The following LRRC4C variants were observed in gnomAD, a reference collection of about 807,000 sequenced individuals.
The protein encoded by LRRC4C is leucine-rich repeat-containing protein 4C.
LRRC4C carries 5 observed loss-of-function variants against 33.6 expected under a neutral mutation model. The observed-to-expected ratio is 0.15, with a 90% confidence interval of 0.08 to 0.31. The LOEUF (loss-of-function observed/expected upper bound fraction) is 0.31, where lower values mean the gene tolerates loss of function less well. Ranked by LOEUF, LRRC4C falls within the 10% of genes least tolerant of loss-of-function variation. The pLI is 1.00. For synonymous variants in LRRC4C, 329 were observed against 302.0 expected (o/e 1.09, Z -0.93); for missense variants, 560 against 796.7 (o/e 0.70, Z 3.58).
chr11:40,511,255 A>C (rs567954111), intron 3 of LRRC4C, among the ~76,000 whole-genome samples: 1 of 152,334 alleles, frequency 6.6e-6, no homozygotes, highest in Non-Finnish European at 1.5e-5. Context: ...GAAACAGTAC[A>C]AAATGAAAAG....
chr11:41,123,494 G>A (rs4756635), intron 1 of LRRC4C, among the ~76,000 whole-genome samples: 58,378 of 150,078 alleles, frequency 0.39, 12,949 homozygotes, highest in Middle Eastern at 0.53. Context: ...GGATGGTCTC[G>A]ATCTCCTGAC....
chr11:40,180,610 A>T (rs1027434253), intron 5 of LRRC4C, among the ~76,000 whole-genome samples: 11 of 152,114 alleles, frequency 7.2e-5, no homozygotes, highest in African/African-American at 2.7e-4. Context: ...ATTTTATCAC[A>T]TCTCTCTGTT....
intron 4 of LRRC4C, among the ~76,000 whole-genome samples, chr11:40,300,105 A>T (rs968145607): frequency 2.6e-5 from 4 of 152,082 alleles, no homozygotes; most frequent in Non-Finnish European, 5.9e-5. Flanking sequence ...CAGGAGTAAG[A>T]GAGAGAGAAA....
intron 4 of LRRC4C, among the ~76,000 whole-genome samples, chr11:40,244,698 T>C (rs1384227403): frequency 6.6e-6 from 1 of 152,148 alleles, no homozygotes; most frequent in East Asian, 1.9e-4. Flanking sequence ...ACCTGTGTTT[T>C]TTGAGTTGAT....
At chr11:41,210,340 T>C (rs1946771792) in intron 1 of LRRC4C, among the ~76,000 whole-genome samples, 1 of 152,170 alleles carries the variant, frequency 6.6e-6, no homozygotes, top group Non-Finnish European at 1.5e-5. Context: ...ACTGTTCTCC[T>C]GGTCTTGAAT....
chr11:40,784,980 C>T (rs1950354061), intron 2 of LRRC4C, among the ~76,000 whole-genome samples: 2 of 152,064 alleles, frequency 1.3e-5, no homozygotes, highest in African/African-American at 4.8e-5. Flanking sequence ...TTACCGTCAG[C>T]CGACAGAAAG....
chr11:41,337,950 A>C (rs778800414), intron 1 of LRRC4C, among the ~76,000 whole-genome samples: 6 of 152,200 alleles, frequency 3.9e-5, no homozygotes, highest in Non-Finnish European at 7.3e-5. Flanking sequence ...AACATGACTG[A>C]TCATTAGAGA....
intron 1 of LRRC4C, among the ~76,000 whole-genome samples, chr11:41,197,314 G>A (rs1274544236): frequency 1.3e-5 from 2 of 152,046 alleles, no homozygotes; most frequent in African/African-American, 2.4e-5. Flanking sequence ...AGAGATGCAT[G>A]TGATGGTGGA....
chr11:41,356,191 C>T (rs564023988), intron 1 of LRRC4C, among the ~76,000 whole-genome samples: 10 of 152,218 alleles, frequency 6.6e-5, no homozygotes, highest in African/African-American at 1.7e-4. Flanking sequence ...GCTAGACCCA[C>T]CCATTCCCAA....
chr11:40,762,205 T>C (rs543061022), intron 2 of LRRC4C, among the ~76,000 whole-genome samples: 58 of 152,270 alleles, frequency 3.8e-4, no homozygotes, highest in African/African-American at 1.3e-3. Flanking sequence ...TGTGGAGAAA[T>C]GTAACACTCA....
At position 41,221,523 on chromosome 11, in the gene LRRC4C, C is replaced by T. The variant is rs542195399; in HGVS notation, c.-496+237908G>A. Among the ~76,000 whole-genome samples, 3 of 152,126 alleles carry T rather than the reference C, an allele frequency of 2.0e-5. No individual in the cohort carries two copies. The East Asian group carries it at 5.8e-4, about 29-fold the overall frequency. On this transcript the variant is annotated intron_variant, in intron 1 of 6. Transcript: ENST00000528697. Reference sequence around the variant, plus strand: ...CTCAAAGACATAAAGACATAAATACCATTTGACCCAGCAATCCCATTACTA... The same window carrying T: ...CTCAAAGACATAAAGACATAAATACTATTTGACCCAGCAATCCCATTACTA...
intron 3 of LRRC4C, among the ~76,000 whole-genome samples, chr11:40,489,910 A>C (rs559084166): frequency 6.6e-6 from 1 of 152,246 alleles, no homozygotes; most frequent in South Asian, 2.1e-4. Context: ...TTGAGCACTC[A>C]CTGTGTGTCT....
intron 2 of LRRC4C, among the ~76,000 whole-genome samples, chr11:40,804,625 A>C (rs1475460597): frequency 6.6e-6 from 1 of 152,146 alleles, no homozygotes; most frequent in Non-Finnish European, 1.5e-5. Flanking sequence ...TATTATTCTT[A>C]TTACCCAGTT....
At chr11:40,734,967 G>A (rs2136832697) in intron 2 of LRRC4C, among the ~76,000 whole-genome samples, 1 of 152,016 alleles carries the variant, frequency 6.6e-6, no homozygotes, top group Non-Finnish European at 1.5e-5. Flanking sequence ...CAAAAAAAAG[G>A]AGAGAAAAAA....
At chr11:40,963,428 A>T (rs1009410155) in intron 1 of LRRC4C, among the ~76,000 whole-genome samples, 1 of 151,764 alleles carries the variant, frequency 6.6e-6, no homozygotes, top group Admixed American at 6.6e-5. Flanking sequence ...TTAAACATCA[A>T]TGTGACTATT....
chr11:40,583,163 T>G (rs1958553498), intron 3 of LRRC4C, among the ~76,000 whole-genome samples: 2 of 152,188 alleles, frequency 1.3e-5, no homozygotes, highest in African/African-American at 2.4e-5. Flanking sequence ...AAATTCCCGT[T>G]CTCGGGTGAC....
Position 40,277,632 on chromosome 11 carries a change from A to G in LRRC4C, c.-175-36034T>C, listed in dbSNP as rs114587344. On this transcript the variant is annotated intron_variant, in intron 4 of 6. Coordinates refer to ENST00000528697, the MANE Select transcript of LRRC4C (RefSeq NM_001258419.2). ...GAGAGGCAGCTCAGCATAGTATAAA[A>G]CCACTGGCTTGACCAAGGGTTCAAA... 7.7e-3 allele frequency among the ~76,000 whole-genome samples: 1,165 copies of G among 152,154 alleles called. 10 individuals are homozygous for G. The highest frequency in any genetic ancestry group is 0.026 in the African/African-American group (1,099 of 41,498).
At chr11:41,408,755 A>AAAAAAAAAACAAACAAAC (rs1555167138) in intron 1 of LRRC4C, among the ~76,000 whole-genome samples, 5 of 148,104 alleles carry the variant, frequency 3.4e-5, no homozygotes, top group African/African-American at 1.3e-4. Flanking sequence ...TGTAAAAAAA[A>AAAAAAAAAACAAACAAAC]AAAAAAAAAA....
At chr11:40,935,624 T>C (rs945367023) in intron 1 of LRRC4C, among the ~76,000 whole-genome samples, 1 of 152,060 alleles carries the variant, frequency 6.6e-6, no homozygotes, top group Non-Finnish European at 1.5e-5. Context: ...ATAGCCTAGG[T>C]GTATAGTAGG....
Sources: allele counts gnomAD v4.1 joint callset (sites outside exome capture counted in the v4.1 genomes callset), GRCh38; gene constraint gnomAD v4.1.1; transcripts MANE v1.5; gene names NCBI Gene and HGNC (gene_info 2026-07-23, HGNC 2026-07-21).